NEB: variants seen among roughly 807,000 people sequenced by gnomAD.
The protein encoded by NEB is nemaline myopathy type 2.
Under a neutral mutation model 952.2 loss-of-function variants are expected in NEB, and 512 were observed. The observed-to-expected ratio is 0.54, with a 90% CI of 0.50 to 0.58. The LOEUF is 0.58. Ranked by LOEUF, NEB falls within the 20% of genes least tolerant of loss-of-function variation. NEB has a pLI of 0.00. For missense variants in NEB, 8,428 were observed against 9,231.1 expected (o/e 0.91, Z 3.56); for synonymous variants, 2,900 against 3,149.8 (o/e 0.92, Z 2.66).
intron 71 of NEB, among the ~76,000 whole-genome samples, chr2:151,625,153 T>C (rs1168826407): frequency 6.6e-6 from 1 of 152,190 alleles, no homozygotes; most frequent in Non-Finnish European, 1.5e-5. Flanking sequence ...GGTAAGCATT[T>C]TAATCCTATT....
At chr2:151,702,054 T>C (rs1378992558) in intron 13 of NEB, among the ~76,000 whole-genome samples, 1 of 149,230 alleles carries the variant, frequency 6.7e-6, no homozygotes, top group Admixed American at 6.7e-5. Context: ...CCAGAGATTC[T>C]GGTATGTTGT....
intron 144 of NEB, 43 bp downstream of exon 144, chr2:151,531,749 G>T: frequency 7.1e-7 from 1 of 1,412,960 alleles, no homozygotes. Flanking sequence ...GTTTGCAGAT[G>T]CCCCCTGAGT....
chr2:151,577,535 T>TA (rs1298861684), intron 105 of NEB, among the ~76,000 whole-genome samples: 1 of 152,196 alleles, frequency 6.6e-6, no homozygotes, highest in Non-Finnish European at 1.5e-5. Flanking sequence ...AATGAACATC[T>TA]AGGTCTCGGT....
At chr2:151,499,431 TCAAAACAGCC>T in intron 168 of NEB, 41 bp from the exon 169 acceptor site, 1 of 1,115,406 alleles carries the variant, frequency 9.0e-7, no homozygotes, top group Non-Finnish European at 1.3e-6. Flanking sequence ...ACAAGAGCAG[TCAAAACAGCC>T]CTTTCATCTA....
rs190823348 is a variant in NEB, at chr2:151,631,018, A to C, written c.9618+125T>G. The C allele has an allele frequency of 1.1e-3, 1,420 of 1,346,252 alleles. 1 individual carries two copies. The highest frequency in any genetic ancestry group is 2.5e-3 in the South Asian group (174 of 70,246). The allele number at this position is 1,346,252 out of a possible 1,614,324, so 83.4% of individuals were successfully genotyped here. On this transcript the variant is annotated intron_variant, in intron 66 of 181. Transcript: ENST00000397345. ...AATCAAAATTATTTAGAGGATTTCA[A>C]GCATGTAATTTAAAAGGTAAAAATG... is the stretch of plus-strand genomic sequence containing the variant.
chr2:151,572,128 C>T (rs191895957), intron 107 of NEB, among the ~76,000 whole-genome samples: 309 of 152,292 alleles, frequency 2.0e-3, no homozygotes, highest in Admixed American at 4.4e-3. Flanking sequence ...TTGAGACCAG[C>T]CTAGCCAACA....
At position 151,491,803 on chromosome 2, in the gene NEB, AGT is replaced by A. The variant is rs747931478; in HGVS notation, c.25058-30_25058-29del. The A allele has an allele frequency of 3.9e-6, 6 of 1,526,812 alleles. No homozygotes were observed. The African/African-American group carries it at 8.3e-5, about 21-fold the overall frequency. The allele number at this position is 1,526,812 out of a possible 1,614,324, so 94.6% of individuals were successfully genotyped here. Reference sequence around the variant, plus strand: ...GAAAGGGAAACCAGTGATCAGAACAAGTGTTCTTGGAGTTTTCCAATAACTTG... The same window carrying A: ...GAAAGGGAAACCAGTGATCAGAACAAGTTCTTGGAGTTTTCCAATAACTTG... On this transcript the variant is annotated intron_variant, in intron 178 of 181. Coordinates refer to ENST00000397345, the MANE Select transcript of NEB (RefSeq NM_001164508.2).
In NEB at chr2:151,643,370, C is replaced by G. The variant is rs768998179; in HGVS notation, c.7957-17G>C. 4.6e-5 allele frequency: 72 copies of G among 1,574,974 alleles called. No individual in the cohort carries two copies. Among genetic ancestry groups the G allele is most frequent in the Non-Finnish European group, 6.0e-5 (69 of 1,152,364 alleles). The stretch of plus-strand genomic sequence containing the variant: ...GTACAAATTCTGAAAGTGCAAGTGA[C>G]AAATTTGTCATAATTAAATCATTTA... On this transcript the variant is annotated splice_polypyrimidine_tract_variant and intron_variant, in intron 57 of 181. Transcript: ENST00000397345.
chr2:151,614,356 G>T lies in NEB; in HGVS notation c.11521C>A (p.His3841Asn), dbSNP rs996563437. ...QILVSDIDYK[H>N]PLHEWTCLPD... ...AGGCAGGTCCATTCATGCAGGGGAT[G>T]CTTGTAGTCTATGTCGCTTACAAGG... Residue 3841 changes from histidine to asparagine, a missense_variant, in exon 77 of 182, where the codon CAT (histidine) becomes AAT (asparagine). His to Asn is a moderately conservative substitution (Grantham distance 68). Around this residue, in one of 11 missense-constraint regions of NEB, gnomAD observed 1,772 missense variants for 1,960.3 expected, o/e 0.90. Transcript: ENST00000397345. The T allele has an allele frequency of 1.2e-6, 2 of 1,613,804 alleles. No homozygotes were observed. Among genetic ancestry groups the T allele is most frequent in the Non-Finnish European group, 1.7e-6 (2 of 1,179,864 alleles).
intron 129 of NEB, 37 bp downstream of exon 129, chr2:151,551,701 G>A (rs1312826939): frequency 6.6e-7 from 1 of 1,518,216 alleles, no homozygotes; most frequent in East Asian, 2.3e-5. Flanking sequence ...TGATGGAACG[G>A]ATTTCTGCTG....
At chr2:151,715,903 T>C (rs2099757606) in intron 10 of NEB, among the ~76,000 whole-genome samples, 3 of 152,214 alleles carry the variant, frequency 2.0e-5, no homozygotes, top group African/African-American at 4.8e-5. Flanking sequence ...ATAGACGAGT[T>C]TGAAAGTGAT....
At chr2:151,716,942 C>A (rs74802483) in intron 10 of NEB, among the ~76,000 whole-genome samples, 14 of 152,222 alleles carry the variant, frequency 9.2e-5, no homozygotes, top group Admixed American at 3.3e-4. Flanking sequence ...GTAGACTAAG[C>A]TGTTTGTTAG....
chr2:151,486,061 A>G lies in NEB; in HGVS notation c.25405-128T>C, dbSNP rs1169151690. On this transcript the variant is annotated intron_variant, in intron 181 of 181. Coordinates refer to ENST00000397345, the MANE Select transcript of NEB (RefSeq NM_001164508.2). ...GTTGAACAAAAGAGAATGTGCAAGC[A>G]TCAACAAAGTAAAAGGAACCCACAA... 10 of 945,614 alleles carry G rather than the reference A, an allele frequency of 1.1e-5. No individual in the cohort carries two copies. The African/African-American group carries it at 1.3e-4, about 12-fold the overall frequency. 58.6% of individuals were successfully genotyped at this position (945,614 alleles called of 1,614,324 possible). A position where few individuals can be genotyped will look rare whatever the true frequency, so the allele number is the denominator to read the frequency against.
chr2:151,526,313 A>G, intron 148 of NEB, 51 bp from the exon 149 acceptor site: 5 of 1,240,002 alleles, frequency 4.0e-6, no homozygotes, highest in Non-Finnish European at 3.5e-6. Flanking sequence ...GATATCCTAC[A>G]TATTTTTATT....
intron 134 of NEB, 75 bp from the exon 135 acceptor site, chr2:151,546,073 A>G (rs2094638959): frequency 9.9e-7 from 1 of 1,005,552 alleles, no homozygotes; most frequent in Non-Finnish European, 1.5e-6. Context: ...TGTCTTTCAA[A>G]TGTCTGGCAT....
In NEB at chr2:151,712,893, G is replaced by A. The variant is rs527412427; in HGVS notation, c.823-2355C>T. 2.0e-5 allele frequency among the ~76,000 whole-genome samples: 3 copies of A among 151,976 alleles called. No homozygotes were observed. The East Asian group carries it at 5.8e-4, about 30-fold the overall frequency. On this transcript the variant is annotated intron_variant, in intron 10 of 181. Transcript: ENST00000397345. ...AACATCCAAACACAACAGAGTTGGAGAGAAAGGTTAGGGGGAAACCTTTCT... is the reference window on the plus strand; with the variant it reads ...AACATCCAAACACAACAGAGTTGGAAAGAAAGGTTAGGGGGAAACCTTTCT...
chr2:151,488,609 A>G (rs1482862518), intron 181 of NEB, among the ~76,000 whole-genome samples: 3 of 152,130 alleles, frequency 2.0e-5, no homozygotes, highest in African/African-American at 7.2e-5. Context: ...TCATGCCACC[A>G]CACTGCAGCC....
At chr2:151,706,630 A>G (rs935509062) in intron 13 of NEB, among the ~76,000 whole-genome samples, 4 of 152,180 alleles carry the variant, frequency 2.6e-5, no homozygotes, top group Non-Finnish European at 5.9e-5. Flanking sequence ...ATGGAGGCCC[A>G]GGTGCCCAGA....
intron 126 of NEB, 42 bp downstream of exon 126, chr2:151,553,786 G>A (rs769367467): frequency 1.9e-6 from 3 of 1,550,644 alleles, no homozygotes; most frequent in South Asian, 1.2e-5. Flanking sequence ...TGGGGCCGTG[G>A]GGCGGGGCCG....
Sources: gnomAD v4.1 joint callset for allele counts (sites outside exome capture counted in the v4.1 genomes callset) on GRCh38, gnomAD v4.1.1 for gene constraint, gnomAD v4.1.1 regional missense constraint, MANE v1.5 for transcripts, NCBI Gene and HGNC (gene_info 2026-07-23, HGNC 2026-07-21) for gene names.